The following ASCC3 variants were observed in gnomAD, a reference collection of about 807,000 sequenced individuals.
The protein encoded by ASCC3 is activating signal cointegrator 1 complex subunit 3, also known as ASC-1 complex subunit P200.
In ASCC3, 158 loss-of-function variants were observed where a neutral mutation model predicts 256.3. The observed-to-expected ratio is 0.62, with a 90% CI of 0.54 to 0.70. The LOEUF is 0.70. Ranked by LOEUF, ASCC3 falls within the 30% of genes least tolerant of loss-of-function variation. The pLI, the probability that ASCC3 is intolerant of heterozygous loss-of-function variation, is 0.00. For synonymous variants in ASCC3, 948 were observed against 883.4 expected (o/e 1.07, Z -1.30); for missense variants, 2,259 against 2,626.0 (o/e 0.86, Z 3.05).
Position 100,662,264 on chromosome 6 carries a change from A to G in ASCC3, c.2478+81T>C. On this transcript the variant is annotated intron_variant, in intron 15 of 41. Coordinates refer to ENST00000369162, the MANE Select transcript of ASCC3 (RefSeq NM_006828.4). ...AAGTCAAGGAAACAGCCAAATCACA[A>G]TATTTTTCTATGTAAGTCAACCCAG... is the stretch of plus-strand genomic sequence containing the variant. 5.7e-6 allele frequency: 8 copies of G among 1,414,194 alleles called. No individual in the cohort carries two copies. In the South Asian group the frequency reaches 8.0e-5, roughly 14 times the overall value. The allele number at this position is 1,414,194 out of a possible 1,614,324, so 87.6% of individuals were successfully genotyped here.
At chr6:100,783,960 G>T (rs1582858833) in intron 8 of ASCC3, among the ~76,000 whole-genome samples, 1 of 152,138 alleles carries the variant, frequency 6.6e-6, no homozygotes, top group African/African-American at 2.4e-5. Context: ...AAAGAGGGGG[G>T]AAGTAGGGCA....
intron 25 of ASCC3, among the ~76,000 whole-genome samples, chr6:100,635,406 A>C (rs1774794152): frequency 6.6e-6 from 1 of 152,150 alleles, no homozygotes. Flanking sequence ...CATAGAAGGA[A>C]AGAGTAGGAT....
chr6:100,512,637 T>A, intron 40 of ASCC3, 72 bp downstream of exon 40: 1 of 1,447,644 alleles, frequency 6.9e-7, no homozygotes, highest in Non-Finnish European at 9.7e-7. Context: ...ATTAGTCACA[T>A]AACAGATATG....
At chr6:100,753,649 ACTG>A (rs1467779944) in intron 10 of ASCC3, among the ~76,000 whole-genome samples, 1 of 152,108 alleles carries the variant, frequency 6.6e-6, no homozygotes, top group Non-Finnish European at 1.5e-5. Flanking sequence ...AGTAGTTGGT[ACTG>A]CAGGCTCTTG....
In ASCC3 at chr6:100,509,377, C is replaced by T; in HGVS notation, c.*9G>A. The T allele has an allele frequency of 5.0e-6, 8 of 1,613,960 alleles. No homozygotes were observed. The highest frequency in any genetic ancestry group is 6.8e-6 in the Non-Finnish European group (8 of 1,179,922). On this transcript the variant is annotated 3_prime_UTR_variant, in exon 42 of 42. Coordinates refer to ENST00000369162, the MANE Select transcript of ASCC3 (RefSeq NM_006828.4). Reference sequence around the variant, plus strand: ...AGCCACTCCTTTCAAATGGATTGTTCAGGTCAAGTTACTTTAATGCCAGGT... The same window carrying T: ...AGCCACTCCTTTCAAATGGATTGTTTAGGTCAAGTTACTTTAATGCCAGGT...
At chr6:100,831,836 A>G (rs1169315651) in intron 4 of ASCC3, among the ~76,000 whole-genome samples, 2 of 152,174 alleles carry the variant, frequency 1.3e-5, no homozygotes, top group Non-Finnish European at 2.9e-5. Flanking sequence ...AAAGCTGAAA[A>G]GATAAAGCAG....
At chr6:100,737,577 G>T (rs1033278795) in intron 10 of ASCC3, among the ~76,000 whole-genome samples, 2 of 152,158 alleles carry the variant, frequency 1.3e-5, no homozygotes, top group African/African-American at 4.8e-5. Context: ...TTTTATGGCT[G>T]CACAGTATTC....
At chr6:100,715,625 T>A in intron 12 of ASCC3, 92 bp from the exon 13 acceptor site, 1 of 1,012,410 alleles carries the variant, frequency 9.9e-7, no homozygotes, top group Non-Finnish European at 1.5e-6. Context: ...ATGCATTTTT[T>A]AAGCTTTCAG....
chr6:100,542,563 T>C (rs903655836), intron 36 of ASCC3, among the ~76,000 whole-genome samples: 13 of 151,884 alleles, frequency 8.6e-5, no homozygotes, highest in African/African-American at 3.1e-4. Flanking sequence ...GCACCTGTAG[T>C]CCCAGCTACT....
intron 13 of ASCC3, among the ~76,000 whole-genome samples, chr6:100,696,211 C>T (rs1430371850): frequency 1.3e-5 from 2 of 152,034 alleles, no homozygotes; most frequent in African/African-American, 4.8e-5. Flanking sequence ...ATTTTTCTTT[C>T]CATCCCCTCT....
At chr6:100,695,927 C>T (rs1026262916) in intron 13 of ASCC3, among the ~76,000 whole-genome samples, 3 of 152,152 alleles carry the variant, frequency 2.0e-5, no homozygotes, top group Non-Finnish European at 2.9e-5. Flanking sequence ...TAGCCTATGG[C>T]AGGCTACCTT....
intron 1 of ASCC3, among the ~76,000 whole-genome samples, chr6:100,878,425 T>C (rs1300378451): frequency 6.6e-6 from 1 of 152,164 alleles, no homozygotes; most frequent in African/African-American, 2.4e-5. Context: ...ATTTTACTTT[T>C]AGCACAGGGT....
chr6:100,650,451 A>G, intron 20 of ASCC3, 87 bp downstream of exon 20: 1 of 1,316,066 alleles, frequency 7.6e-7, no homozygotes. Flanking sequence ...TCACAAAGCA[A>G]TGCATTCATA....
chr6:100,730,194 G>T (rs1351390594), intron 10 of ASCC3, among the ~76,000 whole-genome samples: 1 of 152,056 alleles, frequency 6.6e-6, no homozygotes, highest in East Asian at 1.9e-4. Flanking sequence ...TCTTACAGGG[G>T]GCTGAAGTGG....
intron 14 of ASCC3, among the ~76,000 whole-genome samples, chr6:100,662,864 T>G (rs1422376990): frequency 6.6e-6 from 1 of 152,030 alleles, no homozygotes; most frequent in Non-Finnish European, 1.5e-5. Context: ...AAAATAAAAC[T>G]AAATCTCAGT....
At chr6:100,510,150 C>G in intron 40 of ASCC3, 43 bp from the exon 41 acceptor site, 1 of 1,605,120 alleles carries the variant, frequency 6.2e-7, no homozygotes, top group East Asian at 2.2e-5. Flanking sequence ...AATATCTAGA[C>G]TTCCTATACC....
At chr6:100,733,443 C>A (rs1780004198) in intron 10 of ASCC3, among the ~76,000 whole-genome samples, 1 of 152,084 alleles carries the variant, frequency 6.6e-6, no homozygotes, top group Non-Finnish European at 1.5e-5. Flanking sequence ...GAAGAACTGG[C>A]AGTCAAAAAG....
At chr6:100,560,995 T>A (rs1381825655) in intron 36 of ASCC3, among the ~76,000 whole-genome samples, 1 of 151,928 alleles carries the variant, frequency 6.6e-6, no homozygotes, top group Non-Finnish European at 1.5e-5. Context: ...TGAGGATACA[T>A]CAGGTATATA....
At chr6:100,521,961 G>C (rs572127171) in intron 37 of ASCC3, among the ~76,000 whole-genome samples, 2 of 152,282 alleles carry the variant, frequency 1.3e-5, no homozygotes, top group Admixed American at 1.3e-4. Flanking sequence ...GTAACAACTG[G>C]AGAGCATGCC....
Sources: gnomAD v4.1 joint callset for allele counts (sites outside exome capture counted in the v4.1 genomes callset) on GRCh38, gnomAD v4.1.1 for gene constraint, MANE v1.5 for transcripts, NCBI Gene and HGNC (gene_info 2026-07-23, HGNC 2026-07-21) for gene names.